Variants in DHX29 observed in about 807,000 individuals in gnomAD.
DHX29 encodes the protein DExH-box helicase 29.
In DHX29, 79 loss-of-function variants were observed where a neutral mutation model predicts 167.9. That is an observed-to-expected ratio of 0.47 (90% CI 0.39 to 0.57). The LOEUF (loss-of-function observed/expected upper bound fraction) is 0.57, where lower values mean the gene tolerates loss of function less well. Among genes scored for constraint, DHX29 ranks in the 20% least tolerant of loss-of-function variants. The pLI, the probability that DHX29 is intolerant of heterozygous loss-of-function variation, is 0.00. For missense variants in DHX29, 1,347 were observed against 1,593.4 expected (o/e 0.85, Z 2.63); for synonymous variants, 530 against 546.0 (o/e 0.97, Z 0.41).
rs1257048272 is a variant in DHX29, at chr5:55,294,629, A to ATC, written c.652-485_652-484insGA. On this transcript the variant is annotated intron_variant, in intron 5 of 26. Transcript: ENST00000251636. ...GGCGGAGCTTGCAGTGAGCCGAGTGAGTGCAGTGCCATTCACTCCAGCCTG... is the reference window on the plus strand; with the variant it reads ...GGCGGAGCTTGCAGTGAGCCGAGTGATCGTGCAGTGCCATTCACTCCAGCCTG... 1.3e-3 allele frequency among the ~76,000 whole-genome samples: 204 copies of ATC among 152,310 alleles called. 2 individuals are homozygous for ATC. The Middle Eastern group carries it at 0.024, about 18-fold the overall frequency.
intron 5 of DHX29, among the ~76,000 whole-genome samples, 184 bp from the exon 6 acceptor site, chr5:55,294,329 C>T (rs1182915503): frequency 6.6e-6 from 1 of 151,992 alleles, no homozygotes; most frequent in East Asian, 1.9e-4. Context: ...TTGCAAAATC[C>T]AAAGAATATG....
At chr5:55,297,203 TA>T in intron 3 of DHX29, 81 bp downstream of exon 3, 1 of 668,116 alleles carries the variant, frequency 1.5e-6, no homozygotes. Flanking sequence ...ATGGAAGTTG[TA>T]AAGCCATTTT....
chr5:55,306,118 T>C (rs1484585626), intron 1 of DHX29, among the ~76,000 whole-genome samples: 1 of 152,238 alleles, frequency 6.6e-6, no homozygotes, highest in Non-Finnish European at 1.5e-5. Context: ...ATTCTATGTA[T>C]TTGTAATTAC....
At chr5:55,288,013 T>G (rs1467073413) in intron 8 of DHX29, among the ~76,000 whole-genome samples, 1 of 147,340 alleles carries the variant, frequency 6.8e-6, no homozygotes, top group Non-Finnish European at 1.5e-5. Flanking sequence ...GAGGCCAAGG[T>G]GGGCAGATCA....
chr5:55,266,055 A>G (rs1746549255), intron 23 of DHX29, among the ~76,000 whole-genome samples: 2 of 150,782 alleles, frequency 1.3e-5, no homozygotes, highest in Admixed American at 1.3e-4. Flanking sequence ...ATTGGAGTGC[A>G]GTGGTGCGAT....
intron 1 of DHX29, among the ~76,000 whole-genome samples, chr5:55,301,834 G>A (rs1328947657): frequency 1.3e-5 from 2 of 151,036 alleles, no homozygotes; most frequent in Admixed American, 1.3e-4. Context: ...AACATTAAAT[G>A]TTCTTATGAT....
At position 55,289,441 on chromosome 5, in the gene DHX29, A is replaced by G; in HGVS notation, c.908-13T>C. On this transcript the variant is annotated splice_polypyrimidine_tract_variant and intron_variant, in intron 7 of 26. Transcript: ENST00000251636. ...AAAGTTTCCATTTCTACCAAGAAAAAAATATAATGTTTAGTTTCATGGTTT... is the reference window on the plus strand; with the variant it reads ...AAAGTTTCCATTTCTACCAAGAAAAGAATATAATGTTTAGTTTCATGGTTT... The G allele has an allele frequency of 6.6e-7, 1 of 1,516,920 alleles. No individual in the cohort carries two copies. The highest frequency in any genetic ancestry group is 8.7e-7 in the Non-Finnish European group (1 of 1,143,632). 94.0% of individuals were successfully genotyped at this position (1,516,920 alleles called of 1,614,324 possible). A position where few individuals can be genotyped will look rare whatever the true frequency, so the allele number is the denominator to read the frequency against.
At chr5:55,284,856 C>T (rs1747632018) in intron 10 of DHX29, among the ~76,000 whole-genome samples, 1 of 152,086 alleles carries the variant, frequency 6.6e-6, no homozygotes, top group Non-Finnish European at 1.5e-5. Context: ...TAGTGAGACC[C>T]TGTCTCTATA....
At position 55,276,282 on chromosome 5, in the gene DHX29, C is replaced by T; in HGVS notation, c.2411G>A (p.Gly804Glu). 1.9e-6 allele frequency: 3 copies of T among 1,576,660 alleles called. No homozygotes were observed. Among genetic ancestry groups the T allele is most frequent in the South Asian group, 1.2e-5 (1 of 84,306 alleles). Residue 804 changes from glycine to glutamate, a missense_variant, in exon 14 of 27, where the codon GGA becomes GAA. Transcript: ENST00000251636. ...TCTTTTTACCTGATATTTTTTTATT[C>T]CCCCTGCTTTGCTTGTAACATTAAT... The part of the protein sequence containing the change: ...VTINVTSKAG[G>E]IKKYQEYIPV...
chr5:55,270,375 C>T (rs373484249), intron 20 of DHX29, 37 bp downstream of exon 20: 767 of 1,555,292 alleles, frequency 4.9e-4, no homozygotes, highest in Non-Finnish European at 6.1e-4. Flanking sequence ...TAGAAAGGGG[C>T]GAAGGACAAA....
chr5:55,281,134 G>A (rs970841053), intron 12 of DHX29, among the ~76,000 whole-genome samples: 2 of 148,616 alleles, frequency 1.3e-5, no homozygotes, highest in Non-Finnish European at 3.0e-5. Flanking sequence ...ACACACACAC[G>A]CTATATATAT....
intron 6 of DHX29, among the ~76,000 whole-genome samples, chr5:55,292,731 G>GA (rs2111943790): frequency 6.6e-6 from 1 of 152,076 alleles, no homozygotes; most frequent in African/African-American, 2.4e-5. Context: ...TTTTACTACT[G>GA]AAAGACTCCT....
At chr5:55,260,893 G>A (rs1353479562) in intron 25 of DHX29, among the ~76,000 whole-genome samples, 1 of 152,082 alleles carries the variant, frequency 6.6e-6, no homozygotes, top group African/African-American at 2.4e-5. Flanking sequence ...AAATCTGTTT[G>A]GTCTTTTTTA....
chr5:55,297,481 T>C (rs139417233), intron 2 of DHX29, 83 bp from the exon 3 acceptor site: 6 of 670,670 alleles, frequency 8.9e-6, no homozygotes, highest in South Asian at 5.5e-5. Flanking sequence ...TCTATATTCC[T>C]GCCAACCAAG....
chr5:55,285,021 A>G (rs1747643407), intron 10 of DHX29, among the ~76,000 whole-genome samples: 1 of 152,212 alleles, frequency 6.6e-6, no homozygotes, highest in Non-Finnish European at 1.5e-5. Context: ...TGCTGTCTCA[A>G]AACAAAAATT....
At chr5:55,282,218 G>C (rs1747467233) in intron 11 of DHX29, among the ~76,000 whole-genome samples, 1 of 152,154 alleles carries the variant, frequency 6.6e-6, no homozygotes, top group Admixed American at 6.6e-5. Context: ...GCAAAATATT[G>C]AGGTACTCAG....
intron 13 of DHX29, 34 bp downstream of exon 13, chr5:55,277,072 T>A: frequency 6.6e-7 from 1 of 1,512,782 alleles, no homozygotes; most frequent in Non-Finnish European, 9.0e-7. Flanking sequence ...GGAATGCAGT[T>A]TCTGCTTATA....
Position 55,256,640 on chromosome 5 carries a change from T to G in DHX29, c.4058-100A>C, listed in dbSNP as rs540010156. 8 of 1,040,696 alleles carry G rather than the reference T, an allele frequency of 7.7e-6. No individual in the cohort carries two copies. In the South Asian group the frequency reaches 1.3e-4, roughly 16 times the overall value. 64.5% of individuals were successfully genotyped at this position (1,040,696 alleles called of 1,614,324 possible). A position where few individuals can be genotyped will look rare whatever the true frequency, so the allele number is the denominator to read the frequency against. ...AAGAGGTATATGTCACTAAAAATTT[T>G]TACATTAGAATACAGAATTAACACC... is the stretch of plus-strand genomic sequence containing the variant. On this transcript the variant is annotated intron_variant, in intron 26 of 26. Transcript: ENST00000251636.
At position 55,262,860 on chromosome 5, in the gene DHX29, C is replaced by T. The variant is rs770941506; in HGVS notation, c.3598G>A (p.Glu1200Lys). 6.2e-7 allele frequency: 1 copy of T among 1,614,020 alleles called. No homozygotes were observed. The highest frequency in any genetic ancestry group is 8.5e-7 in the Non-Finnish European group (1 of 1,179,936). ...FSSSTTSTSW[E>K]GNRASQTLSF... ...AGGGTCTGTGAGGCTCTGTTTCCTT[C>T]CCAGCTGGTAGAAGTTGTGGAAGAT... Residue 1200 changes from glutamate to lysine, a missense_variant, in exon 24 of 27, where the codon GAA (glutamate) becomes AAA (lysine). Coordinates refer to ENST00000251636, the MANE Select transcript of DHX29 (RefSeq NM_019030.4).
Sources: gnomAD v4.1 joint callset for allele counts (sites outside exome capture counted in the v4.1 genomes callset) on GRCh38, gnomAD v4.1.1 for gene constraint, MANE v1.5 for transcripts, NCBI Gene and HGNC (gene_info 2026-07-23, HGNC 2026-07-21) for gene names.